The following SLC9B2 variants were observed in gnomAD, a reference collection of about 807,000 sequenced individuals.
SLC9B2 encodes solute carrier family 9 member B2, also known as sodium/hydrogen exchanger 9B2.
SLC9B2 carries 39 observed loss-of-function variants against 52.2 expected under a neutral mutation model. That is an observed-to-expected ratio of 0.75 (90% CI 0.58 to 0.98). The LOEUF is 0.98. Ranked by LOEUF, SLC9B2 falls within the 50% of genes least tolerant of loss-of-function variation. The probability of loss-of-function intolerance (pLI) is 0.00; values close to 1 mark genes in which losing one functional copy is unlikely to be tolerated. For synonymous variants in SLC9B2, 214 were observed against 227.0 expected, an observed-to-expected ratio of 0.94 and a Z score of 0.51; for missense variants, 626 against 637.5, an observed-to-expected ratio of 0.98 and a Z score of 0.19.
At chr4:103,018,046 T>C (rs1487602511), downstream of SLC9B2, among the ~76,000 whole-genome samples, 1 of 152,162 alleles carries the variant, frequency 6.6e-6, no homozygotes, top group African/African-American at 2.4e-5. Context: ...CCTCAAAAAA[T>C]ATTTATTGAA....
rs1578452796 is a variant in SLC9B2, at chr4:103,043,415, C to T, written c.1027G>A (p.Val343Met). ...ACAGCTAGCACAGACAACCCCAACA[C>T]AAGGAATGTTCTCTTACACACAAGT... ...DKLVCKRTFL[V>M]LGLSVLAVFS... Residue 343 changes from valine to methionine, a missense_variant, in exon 9 of 12, where the codon GTG (valine) becomes ATG (methionine). Transcript: ENST00000394785. The T allele has an allele frequency of 3.7e-6, 6 of 1,611,612 alleles. No individual in the cohort carries two copies. Among genetic ancestry groups the T allele is most frequent in the Non-Finnish European group, 5.1e-6 (6 of 1,179,152 alleles).
At chr4:103,050,441 T>A in intron 4 of SLC9B2, 59 bp from the exon 5 acceptor site, 1 of 1,450,204 alleles carries the variant, frequency 6.9e-7, no homozygotes, top group Non-Finnish European at 9.1e-7. Context: ...ATATTTTTAG[T>A]ACTTTAATTT....
intron 1 of SLC9B2, among the ~76,000 whole-genome samples, chr4:103,074,588 A>C (rs1746947501): frequency 6.6e-6 from 1 of 152,268 alleles, no homozygotes; most frequent in African/African-American, 2.4e-5. Context: ...TTATAAAGTT[A>C]AAAATTAGTG....
At chr4:103,034,785 A>AT (rs1269865399) in intron 9 of SLC9B2, among the ~76,000 whole-genome samples, 4 of 152,030 alleles carry the variant, frequency 2.6e-5, no homozygotes, top group African/African-American at 4.8e-5. Flanking sequence ...GGCTATTATT[A>AT]TTTTTTTTAA....
At chr4:103,048,836 C>T in intron 6 of SLC9B2, 57 bp downstream of exon 6, 2 of 1,585,294 alleles carry the variant, frequency 1.3e-6, no homozygotes, top group Non-Finnish European at 1.7e-6. Flanking sequence ...TGTATGCAAT[C>T]AGGGAAAGCC....
rs571601275 is a variant in SLC9B2, at chr4:103,052,449, A to G, written c.443-2067T>C. On this transcript the variant is annotated intron_variant, in intron 4 of 11. Coordinates refer to ENST00000394785, the MANE Select transcript of SLC9B2 (RefSeq NM_178833.7). ...GGTTTACATTAACTATATTCATATT[A>G]TAATTTCAAGCAGTGGAAATGTTAG... Among the ~76,000 whole-genome samples, 20 of 152,348 alleles carry G rather than the reference A, an allele frequency of 1.3e-4. No homozygotes were observed. In the South Asian group the frequency reaches 3.7e-3, roughly 28 times the overall value.
At chr4:103,056,449 T>A (rs1227448420) in intron 4 of SLC9B2, among the ~76,000 whole-genome samples, 1 of 152,086 alleles carries the variant, frequency 6.6e-6, no homozygotes, top group Non-Finnish European at 1.5e-5. Flanking sequence ...AGTTTCACCA[T>A]GTTGGCCAGG....
chr4:103,066,610 A>G (rs1746153113), intron 2 of SLC9B2, 103 bp from the exon 3 acceptor site: 1 of 1,102,840 alleles, frequency 9.1e-7, no homozygotes, highest in Admixed American at 2.7e-5. Flanking sequence ...TATGACTAGC[A>G]TCAAGGATAA....
rs546987244 is a variant in SLC9B2, at chr4:103,062,276, G to A, written c.271+4051C>T. Among the ~76,000 whole-genome samples the A allele has an allele frequency of 1.4e-3, 220 of 152,110 alleles. 1 individual carries two copies. Among genetic ancestry groups the A allele is most frequent in the African/African-American group, 5.0e-3 (206 of 41,500 alleles). On this transcript the variant is annotated intron_variant, in intron 3 of 11. Coordinates refer to ENST00000394785, the MANE Select transcript of SLC9B2 (RefSeq NM_178833.7). The stretch of plus-strand genomic sequence containing the variant: ...TCTCTACTAAATACAAAAATTAGCC[G>A]GGCATGGTGGCACGTGCCTGTAATC...
At chr4:103,046,311 C>T (rs1184270914) in intron 7 of SLC9B2, among the ~76,000 whole-genome samples, 1 of 152,164 alleles carries the variant, frequency 6.6e-6, no homozygotes. Flanking sequence ...AAGAAATGAA[C>T]TTAAACTTGT....
downstream of SLC9B2, chr4:103,019,648 C>A (rs893756154): frequency 2.0e-6 from 2 of 985,372 alleles, no homozygotes; most frequent in African/African-American, 3.5e-5. Flanking sequence ...CCCAGGAGCC[C>A]AGTGACCGTT....
Position 103,026,480 on chromosome 4 carries a change from C to G in SLC9B2, c.1504G>C (p.Ala502Pro). 4 of 1,613,906 alleles carry G rather than the reference C, an allele frequency of 2.5e-6. No individual in the cohort carries two copies. Among genetic ancestry groups the G allele is most frequent in the Non-Finnish European group, 2.5e-6 (3 of 1,179,894 alleles). The change falls in exon 12 of 12, where the codon GCC (alanine) becomes CCC (proline). Residue 502 changes from alanine to proline, a missense_variant. Coordinates refer to ENST00000394785, the MANE Select transcript of SLC9B2 (RefSeq NM_178833.7). ...TVAFLSILIT[A>P]PIGSLLIGLL... ...CCAATAAGCAGACTTCCAATTGGGG[C>G]TGTGATGAGGATGGACAAAAATGCC... is the stretch of plus-strand genomic sequence containing the variant.
In SLC9B2 at chr4:103,048,765, T is replaced by C. The variant is rs1031272983; in HGVS notation, c.713+128A>G. The C allele has an allele frequency of 6.2e-6, 7 of 1,131,144 alleles. No homozygotes were observed. The African/African-American group carries it at 9.5e-5, about 15-fold the overall frequency. 70.1% of individuals were successfully genotyped at this position (1,131,144 alleles called of 1,614,324 possible). On this transcript the variant is annotated intron_variant, in intron 6 of 11. Coordinates refer to ENST00000394785, the MANE Select transcript of SLC9B2 (RefSeq NM_178833.7). Reference sequence around the variant, plus strand: ...TTTTGAAGTTAGAATATTTAAATTATGCTGTAACATCTATGTTGCATTTTC... The same window carrying C: ...TTTTGAAGTTAGAATATTTAAATTACGCTGTAACATCTATGTTGCATTTTC...
chr4:103,059,620 T>C (rs1014032596), intron 3 of SLC9B2, among the ~76,000 whole-genome samples: 1 of 152,224 alleles, frequency 6.6e-6, no homozygotes, highest in African/African-American at 2.4e-5. Context: ...TCTTTAATTG[T>C]AAGAAAGCAT....
intron 6 of SLC9B2, among the ~76,000 whole-genome samples, chr4:103,047,976 G>T (rs949181512): frequency 2.0e-5 from 3 of 152,112 alleles, no homozygotes; most frequent in African/African-American, 7.2e-5. Flanking sequence ...GTAGGCCCCA[G>T]GATGCTGGCT....
At chr4:103,043,541 A>T (rs1743829907) in intron 8 of SLC9B2, 96 bp from the exon 9 acceptor site, 2 of 1,149,932 alleles carry the variant, frequency 1.7e-6, no homozygotes, top group East Asian at 5.2e-5. Flanking sequence ...AGAAAATAAA[A>T]ATTAAAATGT....
chr4:103,070,342 A>C (rs899747276), intron 1 of SLC9B2, among the ~76,000 whole-genome samples: 1 of 152,244 alleles, frequency 6.6e-6, no homozygotes, highest in Non-Finnish European at 1.5e-5. Flanking sequence ...AAGGGCCATA[A>C]AAAATGTCAT....
At chr4:103,044,810 C>A in intron 8 of SLC9B2, 80 bp downstream of exon 8, 1 of 1,124,636 alleles carries the variant, frequency 8.9e-7, no homozygotes, top group Non-Finnish European at 1.3e-6. Flanking sequence ...TCCTTCACAT[C>A]TGTCTTTGAA....
chr4:103,043,980 CAG>C (rs1327673923), intron 8 of SLC9B2, among the ~76,000 whole-genome samples: 2 of 152,156 alleles, frequency 1.3e-5, no homozygotes, highest in Non-Finnish European at 2.9e-5. Flanking sequence ...TCTAGACTGA[CAG>C]TAGTTTTTGT....
Sources: gnomAD v4.1 joint callset for allele counts (sites outside exome capture counted in the v4.1 genomes callset) on GRCh38, gnomAD v4.1.1 for gene constraint, MANE v1.5 for transcripts, NCBI Gene and HGNC (gene_info 2026-07-23, HGNC 2026-07-21) for gene names.